Variants in PCDHGB7 observed in about 807,000 individuals in gnomAD.
PCDHGB7 encodes protocadherin gamma-B7.
In PCDHGB7, 37 loss-of-function variants were observed where a neutral mutation model predicts 61.4. The observed-to-expected ratio is 0.60, with a 90% CI of 0.46 to 0.79. The LOEUF (loss-of-function observed/expected upper bound fraction) is 0.79, where lower values mean the gene tolerates loss of function less well. Ranked by LOEUF, PCDHGB7 falls within the 30% of genes least tolerant of loss-of-function variation. The pLI is 0.00. For synonymous variants in PCDHGB7, 464 were observed against 503.5 expected, an observed-to-expected ratio of 0.92 and a Z score of 1.05; for missense variants, 1,166 against 1,202.5, an observed-to-expected ratio of 0.97 and a Z score of 0.45.
Position 141,477,833 on chromosome 5 carries a change from G to C in PCDHGB7, c.2416-16974G>C. Reference sequence around the variant, plus strand: ...CCCCCAGGTCCTATATCCTCGGCCAGGTGGGAGCTCGGTGGAGATGCTGCC... The same window carrying C: ...CCCCCAGGTCCTATATCCTCGGCCACGTGGGAGCTCGGTGGAGATGCTGCC... On this transcript the variant is annotated intron_variant, in intron 1 of 3. Transcript: ENST00000398594. This position sits in a 1 kb window ranked among gnomAD's most constrained non-coding sequence, Gnocchi z 4.9. The C allele has an allele frequency of 6.2e-7, 1 of 1,614,174 alleles. No individual in the cohort carries two copies.
At position 141,486,579 on chromosome 5, in the gene PCDHGB7, G is replaced by A. The variant is rs747583158; in HGVS notation, c.2416-8228G>A. On this transcript the variant is annotated intron_variant, in intron 1 of 3. Coordinates refer to ENST00000398594, the MANE Select transcript of PCDHGB7 (RefSeq NM_018927.4). The surrounding 1 kb of genome is among the most constrained non-coding windows in gnomAD (Gnocchi z 5.0). ...GAGGTGTTTGTTCCTGAGAACAATC[G>A]CCCAGGGGACCTGCTTTGCTCCCTT... is the stretch of plus-strand genomic sequence containing the variant. The A allele has an allele frequency of 5.1e-5, 82 of 1,613,426 alleles. No homozygotes were observed. Among genetic ancestry groups the A allele is most frequent in the South Asian group, 2.2e-4 (20 of 91,084 alleles).
chr5:141,419,034 T>C lies in PCDHGB7; in HGVS notation c.1175T>C (p.Phe392Ser). The C allele has an allele frequency of 6.2e-7, 1 of 1,613,902 alleles. No homozygotes were observed. Among genetic ancestry groups the C allele is most frequent in the Non-Finnish European group, 8.5e-7 (1 of 1,179,866 alleles). Residue 392 changes from phenylalanine (F) to serine (S), a missense_variant, in exon 1 of 4, where the codon TTT becomes TCT. Physicochemically the swap from Phe to Ser is radical, Grantham distance 155. Coordinates refer to ENST00000398594, the MANE Select transcript of PCDHGB7 (RefSeq NM_018927.4). ...VRCSLSRGVP[F>S]KIHSSSNNYY... ...TGTAGCTTAAGTAGAGGTGTTCCAT[T>C]TAAGATTCATTCTTCTTCTAATAAT...
intron 1 of PCDHGB7, chr5:141,433,196 C>A (rs750657930): frequency 4.4e-6 from 7 of 1,575,116 alleles, no homozygotes; most frequent in African/African-American, 1.4e-5. Context: ...GAGTTTATAT[C>A]AAATCTTCTT....
intron 1 of PCDHGB7, chr5:141,478,798 T>G: frequency 6.8e-7 from 1 of 1,463,780 alleles, no homozygotes. Flanking sequence ...TCCTCAGCAC[T>G]CTTTTGCTAT....
chr5:141,427,213 G>A (rs566924176), intron 1 of PCDHGB7: 3 of 456,706 alleles, frequency 6.6e-6, no homozygotes, highest in East Asian at 6.9e-5. Context: ...TTCGAATTTC[G>A]TAGCAGTTAT....
At chr5:141,463,653 G>T (rs1378583183) in intron 1 of PCDHGB7, among the ~76,000 whole-genome samples, 1 of 151,764 alleles carries the variant, frequency 6.6e-6, no homozygotes. Context: ...GGGTTTCACC[G>T]TGTTAGCCAG....
chr5:141,424,140 C>A, intron 1 of PCDHGB7: 1 of 356,082 alleles, frequency 2.8e-6, no homozygotes, highest in Non-Finnish European at 4.1e-6. Flanking sequence ...TAATAGCATG[C>A]TCCCTCTAGC....
chr5:141,487,684 C>G lies in PCDHGB7; in HGVS notation c.2416-7123C>G. On this transcript the variant is annotated intron_variant, in intron 1 of 3. Coordinates refer to ENST00000398594, the MANE Select transcript of PCDHGB7 (RefSeq NM_018927.4). The surrounding 1 kb of genome is among the most constrained non-coding windows in gnomAD (Gnocchi z 5.0). ...ATCCAGGCATATGGCTAGGCCATGT[C>G]CTAGAGAGTACTGGCCTCTCAGTAA... is the stretch of plus-strand genomic sequence containing the variant. The G allele has an allele frequency of 6.2e-7, 1 of 1,607,562 alleles. No individual in the cohort carries two copies. Among genetic ancestry groups the G allele is most frequent in the East Asian group, 2.2e-5 (1 of 44,768 alleles).
chr5:141,421,924 G>A, intron 1 of PCDHGB7: 1 of 1,613,564 alleles, frequency 6.2e-7, no homozygotes, highest in South Asian at 1.1e-5. Context: ...TCGTGTGGTG[G>A]TCCTCGATGT....
Position 141,490,226 on chromosome 5 carries a change from C to T in PCDHGB7, c.2416-4581C>T. On this transcript the variant is annotated intron_variant, in intron 1 of 3. Coordinates refer to ENST00000398594, the MANE Select transcript of PCDHGB7 (RefSeq NM_018927.4). This position sits in a 1 kb window ranked among gnomAD's most constrained non-coding sequence, Gnocchi z 5.4. ...AGAGCCCGTGACCAGGGACAGCCTG[C>T]CATGGAGGGCCACTGTGTGATTCAA... The T allele has an allele frequency of 6.2e-7, 1 of 1,614,168 alleles. No homozygotes were observed. Among genetic ancestry groups the T allele is most frequent in the Non-Finnish European group, 8.5e-7 (1 of 1,180,020 alleles).
intron 1 of PCDHGB7, chr5:141,440,369 G>A (rs2098171994): frequency 6.6e-6 from 1 of 152,156 alleles, no homozygotes; most frequent in African/African-American, 2.4e-5. Context: ...GGGGGGCCGA[G>A]GCAGGAGAAT....
intron 1 of PCDHGB7, chr5:141,422,371 C>T (rs866886181): frequency 6.4e-7 from 1 of 1,567,212 alleles, no homozygotes; most frequent in South Asian, 1.2e-5. Context: ...AGAAAATGGT[C>T]AAGTCTCCTG....
rs1230717990 is a variant in PCDHGB7, at chr5:141,431,707, G to A, written c.2415+11433G>A. The A allele has an allele frequency of 6.2e-7, 1 of 1,614,232 alleles. No homozygotes were observed. Among genetic ancestry groups the A allele is most frequent in the South Asian group, 1.1e-5 (1 of 91,088 alleles). On this transcript the variant is annotated intron_variant, in intron 1 of 3. Coordinates refer to ENST00000398594, the MANE Select transcript of PCDHGB7 (RefSeq NM_018927.4). This position sits in a 1 kb window ranked among gnomAD's most constrained non-coding sequence, Gnocchi z 4.8. ...ACCACGAGGAGTCAGGATTCTACCAGATGGAAGTGCAAGCAATGGATAATG... is the reference window on the plus strand; with the variant it reads ...ACCACGAGGAGTCAGGATTCTACCAAATGGAAGTGCAAGCAATGGATAATG...
At chr5:141,427,952 T>C (rs1311471634) in intron 1 of PCDHGB7, 38 of 1,587,018 alleles carry the variant, frequency 2.4e-5, no homozygotes, top group Non-Finnish European at 2.8e-5. Flanking sequence ...TCAATGACAA[T>C]GTGCCGCGGG....
At position 141,470,874 on chromosome 5, in the gene PCDHGB7, T is replaced by G. The variant is rs146599745; in HGVS notation, c.2416-23933T>G. ...AGATAAGTTTTTTGTTTGTTTGTTT[T>G]TTTGTTTTTGTTTTTGTTTTTTGTA... On this transcript the variant is annotated intron_variant, in intron 1 of 3. Coordinates refer to ENST00000398594, the MANE Select transcript of PCDHGB7 (RefSeq NM_018927.4). 1.4e-3 allele frequency among the ~76,000 whole-genome samples: 218 copies of G among 151,820 alleles called. 1 individual carries two copies. Among genetic ancestry groups the G allele is most frequent in the Middle Eastern group, 0.01 (3 of 294 alleles).
chr5:141,483,648 TTGTGTGTGTGTGTG>T (rs111458813), intron 1 of PCDHGB7, among the ~76,000 whole-genome samples: 1 of 149,592 alleles, frequency 6.7e-6, no homozygotes, highest in Non-Finnish European at 1.5e-5. Flanking sequence ...GGGTGTGTGT[TTGTGTGTGTGTGTG>T]TGTGTGTAAA....
rs1404656316 is a variant in PCDHGB7 at position 141,486,648 on chromosome 5, A to G, written c.2416-8159A>G. 6.2e-7 allele frequency: 1 copy of G among 1,613,298 alleles called. No individual in the cohort carries two copies. The highest frequency in any genetic ancestry group is 8.5e-7 in the Non-Finnish European group (1 of 1,179,892). The stretch of plus-strand genomic sequence containing the variant: ...TCTGGCTTGAATGCGCTTATCTCCT[A>G]CTCACTCCTGGAGCCCAGGAATCGA... On this transcript the variant is annotated intron_variant, in intron 1 of 3. Coordinates refer to ENST00000398594, the MANE Select transcript of PCDHGB7 (RefSeq NM_018927.4). This position sits in a 1 kb window ranked among gnomAD's most constrained non-coding sequence, Gnocchi z 5.0.
Position 141,485,550 on chromosome 5 carries a change from TG to T in PCDHGB7, c.2416-9256del. On this transcript the variant is annotated intron_variant, in intron 1 of 3. Coordinates refer to ENST00000398594, the MANE Select transcript of PCDHGB7 (RefSeq NM_018927.4). The surrounding 1 kb of genome is among the most constrained non-coding windows in gnomAD (Gnocchi z 5.7). ...CGAGCAGAGGTAGAGATCGTAGATGTGAATGATCACGCCCCCCGTTTTCCGC... is the reference window on the plus strand; with the variant it reads ...CGAGCAGAGGTAGAGATCGTAGATGTAATGATCACGCCCCCCGTTTTCCGC... The T allele has an allele frequency of 6.2e-7, 1 of 1,613,820 alleles. No individual in the cohort carries two copies.
intron 1 of PCDHGB7, among the ~76,000 whole-genome samples, chr5:141,439,599 G>A (rs1319524199): frequency 6.6e-6 from 1 of 152,146 alleles, no homozygotes; most frequent in Non-Finnish European, 1.5e-5. Flanking sequence ...TGGCCAGTCT[G>A]GAAACAGAGA....
Sources: allele counts gnomAD v4.1 joint callset (sites outside exome capture counted in the v4.1 genomes callset), GRCh38; gene constraint gnomAD v4.1.1; non-coding constraint Gnocchi (gnomAD v3.1); transcripts MANE v1.5; gene names NCBI Gene and HGNC (gene_info 2026-07-23, HGNC 2026-07-21).